The following CDK12 variants were observed in gnomAD, a reference collection of about 807,000 sequenced individuals.
CDK12 encodes the protein cyclin-dependent kinase 12.
Under a neutral mutation model 133.8 loss-of-function variants are expected in CDK12, and 17 were observed. The observed-to-expected ratio is 0.13, with a 90% CI of 0.09 to 0.19. The LOEUF (loss-of-function observed/expected upper bound fraction) is 0.19, where lower values mean the gene tolerates loss of function less well. Ranked by LOEUF, CDK12 falls within the 10% of genes least tolerant of loss-of-function variation. The pLI, the probability that CDK12 is intolerant of heterozygous loss-of-function variation, is 1.00. For missense variants in CDK12, 1,508 were observed against 1,818.7 expected, an observed-to-expected ratio of 0.83 and a Z score of 3.11; for synonymous variants, 694 against 683.6, an observed-to-expected ratio of 1.02 and a Z score of -0.24.
At chr17:39,500,899 G>GTATTTTTT (rs2052670046) in intron 5 of CDK12, among the ~76,000 whole-genome samples, 1 of 151,008 alleles carries the variant, frequency 6.6e-6, no homozygotes, top group Non-Finnish European at 1.5e-5. Context: ...GCTAATTTTT[G>GTATTTTTT]TATTTTTTTT....
chr17:39,494,826 G>T lies in CDK12; in HGVS notation c.2419+132G>T, dbSNP rs2051940428. 13 of 653,112 alleles carry T rather than the reference G, an allele frequency of 2.0e-5. No homozygotes were observed. In the East Asian group the frequency reaches 3.7e-4, roughly 19 times the overall value. 40.5% of individuals were successfully genotyped at this position (653,112 alleles called of 1,614,324 possible). Reference sequence around the variant, plus strand: ...GCTCTGTTGCCCAGGCTGAACTGCAGTGGTGCGATTTCAGGTCACTGCAAG... The same window carrying T: ...GCTCTGTTGCCCAGGCTGAACTGCATTGGTGCGATTTCAGGTCACTGCAAG... On this transcript the variant is annotated intron_variant, in intron 5 of 13. Coordinates refer to ENST00000447079, the MANE Select transcript of CDK12 (RefSeq NM_016507.4).
chr17:39,556,033 C>CA (rs145940269), intron 2 of CDK12, among the ~76,000 whole-genome samples: 3,162 of 72,206 alleles, frequency 0.044, 56 homozygotes, highest in African/African-American at 0.094. Context: ...GACCCTGTCT[C>CA]AAAAAAAAAA....
At chr17:39,545,835 A>T (rs1462776871), upstream of CDK12, among the ~76,000 whole-genome samples, 2 of 138,896 alleles carry the variant, frequency 1.4e-5, no homozygotes, top group African/African-American at 5.5e-5. Flanking sequence ...TTGCTCTGTC[A>T]CCCAGACTGC....
chr17:39,485,060 C>T (rs2051004961), intron 2 of CDK12, among the ~76,000 whole-genome samples: 1 of 151,324 alleles, frequency 6.6e-6, no homozygotes, highest in Admixed American at 6.6e-5. Context: ...GTCCCAGCTA[C>T]TCGGGAGGCT....
At chr17:39,500,672 G>T (rs578186897) in intron 5 of CDK12, among the ~76,000 whole-genome samples, 1 of 152,150 alleles carries the variant, frequency 6.6e-6, no homozygotes, top group African/African-American at 2.4e-5. Context: ...CAGGGCACCT[G>T]CCCCCATGAA....
At chr17:39,482,774 T>A (rs1449369716) in intron 2 of CDK12, among the ~76,000 whole-genome samples, 1 of 151,678 alleles carries the variant, frequency 6.6e-6, no homozygotes, top group Non-Finnish European at 1.5e-5. Context: ...GGCTGATCTT[T>A]GTATTTTTAG....
chr17:39,525,009 A>G lies in CDK12; in HGVS notation c.3307+124A>G, dbSNP rs955919850. 4.2e-6 allele frequency: 3 copies of G among 721,396 alleles called. No individual in the cohort carries two copies. In the African/African-American group the frequency reaches 5.3e-5, roughly 13 times the overall value. The allele number at this position is 721,396 out of a possible 1,614,324, so 44.7% of individuals were successfully genotyped here. A position where few individuals can be genotyped will look rare whatever the true frequency, so the allele number is the denominator to read the frequency against. On this transcript the variant is annotated intron_variant, in intron 12 of 13. Coordinates refer to ENST00000447079, the MANE Select transcript of CDK12 (RefSeq NM_016507.4). ...TTTTGGTCCAGTGAACCATTAGGAA[A>G]GAGGTTAATGTCCTCATTATGGTGA...
chr17:39,470,313 C>T (rs1486049918), intron 1 of CDK12, among the ~76,000 whole-genome samples: 9 of 151,798 alleles, frequency 5.9e-5, no homozygotes, highest in Admixed American at 2.6e-4. Flanking sequence ...AGTAGAGATG[C>T]GGTTTCACCG....
intron 1 of CDK12, among the ~76,000 whole-genome samples, chr17:39,467,623 T>C (rs1305979304): frequency 6.6e-6 from 1 of 152,162 alleles, no homozygotes; most frequent in Non-Finnish European, 1.5e-5. Context: ...CTTAGGAAGA[T>C]TTGGTCATGC....
rs2145205316 is a variant in CDK12, at chr17:39,471,528, C to T, written c.1696C>T (p.Leu566=). The change falls in exon 2 of 14, where the codon CTG becomes TTG. Residue 566 remains leucine, a synonymous_variant. Coordinates refer to ENST00000447079, the MANE Select transcript of CDK12 (RefSeq NM_016507.4). ...ACCAGCTCTTCCACAGCAACCACCTCTGCCTCCTTCTCAGCCAGCATTTAG... is the reference window on the plus strand; with the variant it reads ...ACCAGCTCTTCCACAGCAACCACCTTTGCCTCCTTCTCAGCCAGCATTTAG... The part of the protein sequence containing the change: ...PIPALPQQPP[L]PPSQPAFSQV... The T allele has an allele frequency of 6.2e-7, 1 of 1,613,916 alleles. No individual in the cohort carries two copies. The highest frequency in any genetic ancestry group is 8.5e-7 in the Non-Finnish European group (1 of 1,179,984).
Position 39,531,334 on chromosome 17 carries a change from C to T in CDK12, c.*18C>T. ...CTTACTAACCCAGAGACTTCAGTGT[C>T]CTGAAAGATTCCTTTCCTATCCATC... On this transcript the variant is annotated 3_prime_UTR_variant, in exon 14 of 14. Coordinates refer to ENST00000447079, the MANE Select transcript of CDK12 (RefSeq NM_016507.4). 1 of 1,439,140 alleles carries T rather than the reference C, an allele frequency of 6.9e-7. No homozygotes were observed. The highest frequency in any genetic ancestry group is 1.9e-4 in the Middle Eastern group (1 of 5,356). The allele number at this position is 1,439,140 out of a possible 1,614,324, so 89.1% of individuals were successfully genotyped here. A position where few individuals can be genotyped will look rare whatever the true frequency, so the allele number is the denominator to read the frequency against.
At position 39,527,978 on chromosome 17, in the gene CDK12, C is replaced by T. The variant is rs376428866; in HGVS notation, c.3760+1662C>T. Among the ~76,000 whole-genome samples the T allele has an allele frequency of 8.6e-4, 127 of 148,062 alleles. 1 individual carries two copies. The highest frequency in any genetic ancestry group is 3.0e-3 in the African/African-American group (120 of 40,236). ...TCACCCAGGCTGGAATGCAATGGCG[C>T]GATCTTGGTGCACTGCAGCCTCTGC... On this transcript the variant is annotated intron_variant, in intron 13 of 13. Coordinates refer to ENST00000447079, the MANE Select transcript of CDK12 (RefSeq NM_016507.4).
chr17:39,524,142 C>A (rs2054349345), intron 11 of CDK12, among the ~76,000 whole-genome samples: 1 of 152,144 alleles, frequency 6.6e-6, no homozygotes, highest in Non-Finnish European at 1.5e-5. Flanking sequence ...AAGTTGATAT[C>A]CAGTCATAGA....
chr17:39,480,469 G>A (rs568806061), intron 2 of CDK12, among the ~76,000 whole-genome samples: 23 of 150,142 alleles, frequency 1.5e-4, no homozygotes, highest in Admixed American at 6.6e-4. Context: ...TTTTTTGAGA[G>A]TTTTGCTAGT....
chr17:39,483,344 A>C (rs953807042), intron 2 of CDK12, among the ~76,000 whole-genome samples: 2 of 151,540 alleles, frequency 1.3e-5, no homozygotes, highest in Non-Finnish European at 2.9e-5. Context: ...AGCTCACAGT[A>C]TCCTCTACCT....
chr17:39,482,349 G>A (rs1042839057), intron 2 of CDK12, among the ~76,000 whole-genome samples: 5 of 151,900 alleles, frequency 3.3e-5, no homozygotes, highest in African/African-American at 7.3e-5. Context: ...CATTTGGAGC[G>A]TACTGAACTT....
chr17:39,494,453 C>T (rs188305047), intron 4 of CDK12, 71 bp from the exon 5 acceptor site: 2 of 1,252,496 alleles, frequency 1.6e-6, no homozygotes, highest in Admixed American at 3.6e-5. Context: ...AGAGCAAGGG[C>T]ATATATTGCT....
At chr17:39,537,093 GCAGT>G (rs368671479), downstream of CDK12, among the ~76,000 whole-genome samples, 16 of 152,288 alleles carry the variant, frequency 1.1e-4, no homozygotes, top group East Asian at 3.1e-3. Flanking sequence ...CCACCATATA[GCAGT>G]CAGAGCTAAG....
At chr17:39,545,710 G>A (rs1030164840), upstream of CDK12, among the ~76,000 whole-genome samples, 1 of 151,140 alleles carries the variant, frequency 6.6e-6, no homozygotes, top group African/African-American at 2.4e-5. Context: ...ATGTTGGCCA[G>A]GCTGGTCTTG....
Sources: allele counts gnomAD v4.1 joint callset (sites outside exome capture counted in the v4.1 genomes callset), GRCh38; gene constraint gnomAD v4.1.1; transcripts MANE v1.5; gene names NCBI Gene and HGNC (gene_info 2026-07-23, HGNC 2026-07-21).